The following AK8 variants were observed in gnomAD, a reference collection of about 807,000 sequenced individuals.
The protein encoded by AK8 is adenylate kinase 8, also known as ATP-AMP transphosphorylase 8.
Under a neutral mutation model 54.6 loss-of-function variants are expected in AK8, and 44 were observed. The ratio of observed to expected loss-of-function variants is 0.81; its 90% CI spans 0.63 to 1.04. AK8 has a LOEUF of 1.04. Among genes scored for constraint, AK8 ranks in the 50% least tolerant of loss-of-function variants. The pLI is 0.00. For missense variants in AK8, 555 were observed against 613.6 expected (o/e 0.90, Z 1.01); for synonymous variants, 239 against 245.6 (o/e 0.97, Z 0.25).
At chr9:132,802,314 G>A (rs1355712775) in intron 10 of AK8, among the ~76,000 whole-genome samples, 1 of 152,196 alleles carries the variant, frequency 6.6e-6, no homozygotes, top group East Asian at 1.9e-4. Flanking sequence ...TCCTCCCAGG[G>A]CAGGGGGCGG....
intron 5 of AK8, among the ~76,000 whole-genome samples, chr9:132,846,826 C>T (rs949653806): frequency 2.0e-5 from 3 of 152,240 alleles, no homozygotes; most frequent in African/African-American, 7.2e-5. Context: ...GCCGCTTCCC[C>T]CGGTGTGGCT....
At position 132,778,298 on chromosome 9, in the gene AK8, G is replaced by A. The variant is rs575923478; in HGVS notation, c.1121+14336C>T. ...GTAAGATAAGGCTAACACCCTGCTC[G>A]TCGGGAGGCTCAGGCCCAGAGCTGC... On this transcript the variant is annotated intron_variant, in intron 11 of 12. Coordinates refer to ENST00000298545, the MANE Select transcript of AK8 (RefSeq NM_152572.3). 4.6e-5 allele frequency among the ~76,000 whole-genome samples: 7 copies of A among 152,284 alleles called. No individual in the cohort carries two copies. In the South Asian group the frequency reaches 1.2e-3, roughly 27 times the overall value.
chr9:132,782,310 T>C (rs1286907129), intron 11 of AK8, among the ~76,000 whole-genome samples: 3 of 152,172 alleles, frequency 2.0e-5, no homozygotes, highest in Non-Finnish European at 4.4e-5. Flanking sequence ...GACCTGTTAA[T>C]GACACCCTGC....
At chr9:132,756,946 TC>T (rs145126343) in intron 11 of AK8, among the ~76,000 whole-genome samples, 1,746 of 151,994 alleles carry the variant, frequency 0.011, 37 homozygotes, top group African/African-American at 0.04. Context: ...CAAAGCCATT[TC>T]CCCCCCAAAT....
chr9:132,771,795 T>G (rs1275787008), intron 11 of AK8, among the ~76,000 whole-genome samples: 1 of 152,170 alleles, frequency 6.6e-6, no homozygotes, highest in East Asian at 1.9e-4. Flanking sequence ...AGAGCCTGTG[T>G]ATCAGTCTGT....
chr9:132,741,756 A>C (rs1837404017), intron 11 of AK8, among the ~76,000 whole-genome samples: 1 of 152,164 alleles, frequency 6.6e-6, no homozygotes, highest in African/African-American at 2.4e-5. Flanking sequence ...TAAGTATGGA[A>C]CATTTTCATC....
intron 4 of AK8, among the ~76,000 whole-genome samples, chr9:132,863,037 C>G (rs1000503207): frequency 2.6e-5 from 4 of 152,228 alleles, no homozygotes; most frequent in Admixed American, 2.0e-4. Context: ...TGTGATCAAG[C>G]CTTATATTTC....
intron 11 of AK8, among the ~76,000 whole-genome samples, chr9:132,776,365 C>T (rs1214041261): frequency 1.3e-5 from 2 of 152,216 alleles, no homozygotes; most frequent in Admixed American, 6.5e-5. Flanking sequence ...CAGGCCTGGG[C>T]CAAATTCCGC....
At chr9:132,745,020 T>G (rs1485812179) in intron 11 of AK8, among the ~76,000 whole-genome samples, 1 of 152,150 alleles carries the variant, frequency 6.6e-6, no homozygotes, top group African/African-American at 2.4e-5. Context: ...GCTCACAGAT[T>G]GAGTTTCTGA....
At chr9:132,872,339 AAAAAT>A (rs1446424199) in intron 2 of AK8, among the ~76,000 whole-genome samples, 1 of 97,612 alleles carries the variant, frequency 1.0e-5, no homozygotes, top group African/African-American at 4.6e-5. Context: ...CTCTAAAAAG[AAAAAT>A]AAGAGGGAGA....
chr9:132,806,391 C>T (rs1006357181), intron 10 of AK8, among the ~76,000 whole-genome samples: 1 of 152,128 alleles, frequency 6.6e-6, no homozygotes, highest in Admixed American at 6.5e-5. Context: ...TCTAATTATA[C>T]CCCTGTGAGT....
At chr9:132,756,401 A>C (rs1256267601) in intron 11 of AK8, among the ~76,000 whole-genome samples, 2 of 152,250 alleles carry the variant, frequency 1.3e-5, no homozygotes, top group African/African-American at 4.8e-5. Context: ...TTGGCTCCGA[A>C]GCCAGGCGGG....
chr9:132,728,499 C>T lies in AK8; in HGVS notation c.1122-965G>A, dbSNP rs553671592. On this transcript the variant is annotated intron_variant, in intron 11 of 12. Transcript: ENST00000298545. The stretch of plus-strand genomic sequence containing the variant: ...CTACAAAATGGGGCTAATTATAGTT[C>T]CCTGGTGTTGAAGATTTAACAAGAT... Among the ~76,000 whole-genome samples, 5 of 152,316 alleles carry T rather than the reference C, an allele frequency of 3.3e-5. No homozygotes were observed. The South Asian group carries it at 1.0e-3, about 32-fold the overall frequency.
chr9:132,856,769 G>C (rs1223246356), intron 4 of AK8, among the ~76,000 whole-genome samples: 1 of 152,204 alleles, frequency 6.6e-6, no homozygotes, highest in Non-Finnish European at 1.5e-5. Flanking sequence ...CACTTCGTGG[G>C]CATGACGGGT....
chr9:132,771,259 C>G (rs1418744383), intron 11 of AK8, among the ~76,000 whole-genome samples: 2 of 152,182 alleles, frequency 1.3e-5, no homozygotes, highest in African/African-American at 4.8e-5. Context: ...GTGCACAGCC[C>G]AGGGCCTGGC....
At chr9:132,812,545 C>CA (rs200127498) in intron 10 of AK8, among the ~76,000 whole-genome samples, 1 of 101,482 alleles carries the variant, frequency 9.9e-6, no homozygotes, top group South Asian at 3.0e-4. Flanking sequence ...ACTGGGATGA[C>CA]GGGTGAGCCG....
intron 11 of AK8, among the ~76,000 whole-genome samples, chr9:132,733,934 G>A (rs1328647064): frequency 1.3e-5 from 2 of 152,128 alleles, no homozygotes; most frequent in Non-Finnish European, 2.9e-5. Context: ...CTTCCGGAAG[G>A]GAGGTGGAAG....
At chr9:132,751,553 A>G (rs1428806830) in intron 11 of AK8, among the ~76,000 whole-genome samples, 3 of 150,728 alleles carry the variant, frequency 2.0e-5, no homozygotes, top group Admixed American at 2.0e-4. Context: ...AAAAAAAAAA[A>G]CAACTTCTGG....
rs144126318 is a variant in AK8, at chr9:132,827,929, C to A, written c.556+84G>T. ...CTCTGTGGGTGCCCAGAGCAGAATG[C>A]GAGGTCAGGAAATGGTAGACGGGCT... On this transcript the variant is annotated intron_variant, in intron 7 of 12. Coordinates refer to ENST00000298545, the MANE Select transcript of AK8 (RefSeq NM_152572.3). 1.8e-4 allele frequency: 257 copies of A among 1,389,506 alleles called. No individual in the cohort carries two copies. The East Asian group carries it at 5.8e-3, about 32-fold the overall frequency. The allele number at this position is 1,389,506 out of a possible 1,614,324, so 86.1% of individuals were successfully genotyped here.
Sources: gnomAD v4.1 joint callset for allele counts (sites outside exome capture counted in the v4.1 genomes callset) on GRCh38, gnomAD v4.1.1 for gene constraint, MANE v1.5 for transcripts, NCBI Gene and HGNC (gene_info 2026-07-23, HGNC 2026-07-21) for gene names.